RNF216: variants seen among roughly 807,000 people sequenced by gnomAD.
The protein encoded by RNF216 is ring finger protein 216.
Under a neutral mutation model 110.8 loss-of-function variants are expected in RNF216, and 72 were observed. That is an observed-to-expected ratio of 0.65 (90% CI 0.54 to 0.79). The LOEUF (loss-of-function observed/expected upper bound fraction) is 0.79, where lower values mean the gene tolerates loss of function less well. Ranked by LOEUF, RNF216 falls within the 30% of genes least tolerant of loss-of-function variation. The pLI is 0.00. For missense variants in RNF216, 1,342 were observed against 1,141.2 expected (o/e 1.18, Z -2.54); for synonymous variants, 495 against 407.5 (o/e 1.21, Z -2.59).
chr7:5,719,635 T>C (rs943806282), intron 9 of RNF216, among the ~76,000 whole-genome samples: 3 of 152,210 alleles, frequency 2.0e-5, no homozygotes, highest in African/African-American at 4.8e-5. Flanking sequence ...ACTTATCTGA[T>C]AAGATTGGTG....
intron 4 of RNF216, among the ~76,000 whole-genome samples, chr7:5,740,102 A>G (rs1316468414): frequency 1.5e-5 from 2 of 129,176 alleles, no homozygotes; most frequent in African/African-American, 3.1e-5. Context: ...CAGATGTAAC[A>G]CCTTTTTTTT....
intron 15 of RNF216, among the ~76,000 whole-genome samples, chr7:5,625,552 A>C (rs937251895): frequency 6.6e-6 from 1 of 152,234 alleles, no homozygotes; most frequent in Non-Finnish European, 1.5e-5. Context: ...GACAGTTTGC[A>C]GGTTTACTTA....
intron 1 of RNF216, chr7:5,766,854 C>T (rs1418568673): frequency 6.6e-6 from 1 of 152,168 alleles, no homozygotes; most frequent in Non-Finnish European, 1.5e-5. Context: ...TTCTATACAA[C>T]TATAAAGGGT....
At chr7:5,757,317 T>G (rs1163041487) in intron 2 of RNF216, among the ~76,000 whole-genome samples, 6 of 152,210 alleles carry the variant, frequency 3.9e-5, no homozygotes. Context: ...ATCTTCTCAG[T>G]GCACTGAATC....
chr7:5,731,609 G>A (rs1562440204), intron 5 of RNF216, among the ~76,000 whole-genome samples: 1 of 151,444 alleles, frequency 6.6e-6, no homozygotes, highest in Non-Finnish European at 1.5e-5. Flanking sequence ...CAGACAGAGT[G>A]GGTGGGGTAC....
chr7:5,765,772 G>A (rs1482272652), intron 1 of RNF216, among the ~76,000 whole-genome samples: 4 of 134,992 alleles, frequency 3.0e-5, no homozygotes, highest in South Asian at 2.4e-4. Context: ...GTGAAACCCC[G>A]TCTCTACTAA....
In RNF216 at chr7:5,705,458, G is replaced by C. The variant is rs538473318; in HGVS notation, c.2061+6303C>G. ...ATCTGCTCCTGTTCTCCAACTCCAAGGGCAGTTATGGTCCTTATGATCCTT... is the reference window on the plus strand; with the variant it reads ...ATCTGCTCCTGTTCTCCAACTCCAACGGCAGTTATGGTCCTTATGATCCTT... On this transcript the variant is annotated intron_variant, in intron 13 of 16. Coordinates refer to ENST00000389902, the MANE Select transcript of RNF216 (RefSeq NM_207111.4). Among the ~76,000 whole-genome samples, 7 of 152,192 alleles carry C rather than the reference G, an allele frequency of 4.6e-5. No homozygotes were observed. In the South Asian group the frequency reaches 8.3e-4, roughly 18 times the overall value.
chr7:5,690,294 T>TG, intron 13 of RNF216, among the ~76,000 whole-genome samples: 1 of 148,986 alleles, frequency 6.7e-6, no homozygotes, highest in Non-Finnish European at 1.5e-5. Context: ...GCCATTGCAC[T>TG]CTAGCCTGGG....
intron 1 of RNF216, among the ~76,000 whole-genome samples, chr7:5,775,530 G>C (rs1043190076): frequency 6.6e-6 from 1 of 152,096 alleles, no homozygotes; most frequent in Non-Finnish European, 1.5e-5. Flanking sequence ...GGTCACTAAA[G>C]ACTTTCAAAT....
At chr7:5,684,094 CTTTTTTTTTTTT>C (rs10608511) in intron 13 of RNF216, among the ~76,000 whole-genome samples, 89 of 61,850 alleles carry the variant, frequency 1.4e-3, no homozygotes, top group African/African-American at 5.2e-3. Context: ...GCTGGGCCTT[CTTTTTTTTTTTT>C]TTTTTTTTTT....
rs766290800 is a variant in RNF216 at position 5,712,825 on chromosome 7, C to T, written c.1872G>A (p.Ser624=). The T allele has an allele frequency of 6.2e-6, 10 of 1,613,848 alleles. No homozygotes were observed. Among genetic ancestry groups the T allele is most frequent in the South Asian group, 1.1e-5 (1 of 91,070 alleles). The change falls in exon 12 of 17, where the codon TCG becomes TCA. Residue 624 remains serine (S), a synonymous_variant. Transcript: ENST00000389902. ...LSCMEGSCTC[S]FPTSELEKVL... ...CCTTCTCCAGCTCACTGGTTGGGAA[C>T]GAACACGTGCAGCTGCCTTCCATGC...
At chr7:5,739,575 C>A (rs1201267111) in intron 4 of RNF216, 2 of 621,290 alleles carry the variant, frequency 3.2e-6, no homozygotes, top group Non-Finnish European at 6.0e-6. Context: ...TCTCTGTCCC[C>A]ATTTTACAGA....
chr7:5,641,411 G>A (rs1295709797), intron 14 of RNF216, 35 bp from the exon 15 acceptor site: 30 of 1,552,906 alleles, frequency 1.9e-5, no homozygotes, highest in Non-Finnish European at 2.7e-5. Context: ...AGCTGGGAGG[G>A]AAGATGAGGA....
At chr7:5,749,857 A>C (rs1186535934) in intron 3 of RNF216, among the ~76,000 whole-genome samples, 2 of 152,212 alleles carry the variant, frequency 1.3e-5, no homozygotes, top group African/African-American at 4.8e-5. Context: ...ATGAGACTGA[A>C]TTGATAAAAG....
chr7:5,729,608 G>C lies in RNF216; in HGVS notation c.1225-12C>G, dbSNP rs757331434. On this transcript the variant is annotated splice_polypyrimidine_tract_variant and intron_variant, in intron 6 of 16. Transcript: ENST00000389902. ...TCTATTTTAGGCAACTGAAATGAGA[G>C]AGAAGCATAAAATCAGAGGCCAGGC... The C allele has an allele frequency of 6.8e-6, 11 of 1,611,148 alleles. No homozygotes were observed. The highest frequency in any genetic ancestry group is 5.5e-5 in the South Asian group (5 of 90,976).
chr7:5,647,328 C>CT (rs10617479), intron 14 of RNF216, among the ~76,000 whole-genome samples: 633 of 94,778 alleles, frequency 6.7e-3, no homozygotes, highest in South Asian at 0.011. Flanking sequence ...TTCTTTCTTT[C>CT]TTTTTTTTTT....
At chr7:5,639,183 G>T (rs852474) in intron 15 of RNF216, among the ~76,000 whole-genome samples, 17,892 of 152,154 alleles carry the variant, frequency 0.12, 2,115 homozygotes, top group African/African-American at 0.31. Context: ...AAGAGATAGG[G>T]AAGCAGGCTC....
intron 2 of RNF216, among the ~76,000 whole-genome samples, chr7:5,758,647 T>C (rs574921180): frequency 5.9e-5 from 9 of 152,310 alleles, no homozygotes; most frequent in African/African-American, 2.2e-4. Context: ...CTGCTGGGTT[T>C]TGGACTTGTG....
At chr7:5,637,338 A>G (rs887788479) in intron 15 of RNF216, among the ~76,000 whole-genome samples, 2 of 152,122 alleles carry the variant, frequency 1.3e-5, no homozygotes, top group African/African-American at 4.8e-5. Flanking sequence ...TCTTCCACAC[A>G]TCTCCTTAGT....
Sources: gnomAD v4.1 joint callset for allele counts (sites outside exome capture counted in the v4.1 genomes callset) on GRCh38, gnomAD v4.1.1 for gene constraint, MANE v1.5 for transcripts, NCBI Gene and HGNC (gene_info 2026-07-23, HGNC 2026-07-21) for gene names.